Variants in LRFN5 observed in about 807,000 individuals in gnomAD.
The protein encoded by LRFN5 is leucine-rich repeat and fibronectin type-III domain-containing protein 5.
In LRFN5, 24 loss-of-function variants were observed where a neutral mutation model predicts 45.6. That is an observed-to-expected ratio of 0.53 (90% confidence interval 0.38 to 0.74). The LOEUF (loss-of-function observed/expected upper bound fraction) is 0.74, where lower values mean the gene tolerates loss of function less well. LRFN5 is among the 30% of genes least tolerant of loss of function. The probability of loss-of-function intolerance (pLI) is 0.00; values close to 1 mark genes in which losing one functional copy is unlikely to be tolerated. For missense variants in LRFN5, 776 were observed against 861.5 expected (o/e 0.90, Z 1.24); for synonymous variants, 340 against 313.8 (o/e 1.08, Z -0.88).
intron 2 of LRFN5, among the ~76,000 whole-genome samples, chr14:41,865,461 C>T (rs958485139): frequency 2.6e-4 from 40 of 152,208 alleles, no homozygotes; most frequent in African/African-American, 9.1e-4. Flanking sequence ...TTTATTAATC[C>T]ATTCATCAGC....
intron 1 of LRFN5, among the ~76,000 whole-genome samples, chr14:41,634,505 C>G (rs1888663671): frequency 6.6e-6 from 1 of 152,048 alleles, no homozygotes; most frequent in Non-Finnish European, 1.5e-5. Flanking sequence ...TTCTGTACTT[C>G]AACAGTAGAA....
At chr14:41,673,229 G>C (rs994257030) in intron 1 of LRFN5, among the ~76,000 whole-genome samples, 16 of 152,066 alleles carry the variant, frequency 1.1e-4, no homozygotes, top group African/African-American at 3.6e-4. Flanking sequence ...TGAGCTGTTG[G>C]GTACACCTCC....
At chr14:41,876,506 C>T (rs2139129036) in intron 2 of LRFN5, among the ~76,000 whole-genome samples, 1 of 151,166 alleles carries the variant, frequency 6.6e-6, no homozygotes, top group Admixed American at 6.6e-5. Context: ...CCGTGTTAGC[C>T]AGGATGGTCT....
At chr14:41,896,369 TG>T (rs1484487574) in intron 4 of LRFN5, among the ~76,000 whole-genome samples, 2 of 152,350 alleles carry the variant, frequency 1.3e-5, no homozygotes, top group South Asian at 4.1e-4. Flanking sequence ...GATCTTTCCT[TG>T]TTCAGCCTTC....
chr14:41,741,703 A>G (rs185139594), intron 1 of LRFN5, among the ~76,000 whole-genome samples: 50 of 151,870 alleles, frequency 3.3e-4, no homozygotes, highest in African/African-American at 1.1e-3. Context: ...AGGATATTGC[A>G]TCTAACTAAA....
intron 2 of LRFN5, among the ~76,000 whole-genome samples, chr14:41,875,843 TC>T (rs1192742469): frequency 1.3e-5 from 2 of 152,252 alleles, no homozygotes; most frequent in East Asian, 3.9e-4. Context: ...TTCCTTCTGT[TC>T]CCCAAAAGAG....
chr14:41,762,107 A>G (rs1001913918), intron 1 of LRFN5, among the ~76,000 whole-genome samples: 2 of 148,874 alleles, frequency 1.3e-5, no homozygotes, highest in Non-Finnish European at 3.0e-5. Context: ...AGCAAGCACA[A>G]CCTCTACCCA....
At chr14:41,753,529 T>C (rs1002867232) in intron 1 of LRFN5, among the ~76,000 whole-genome samples, 1 of 152,062 alleles carries the variant, frequency 6.6e-6, no homozygotes, top group Admixed American at 6.6e-5. Flanking sequence ...TTTGAAGCAA[T>C]TGTGAATGGG....
chr14:41,878,035 C>T (rs972163204), intron 2 of LRFN5, among the ~76,000 whole-genome samples: 2 of 151,422 alleles, frequency 1.3e-5, no homozygotes, highest in African/African-American at 2.4e-5. Flanking sequence ...TTTAGAGGCT[C>T]AATAATAATA....
chr14:41,819,460 G>A (rs915921168), intron 2 of LRFN5, among the ~76,000 whole-genome samples: 1 of 151,972 alleles, frequency 6.6e-6, no homozygotes, highest in East Asian at 1.9e-4. Flanking sequence ...GCATTTCTCC[G>A]ATGACTAGTG....
At chr14:41,765,929 A>AT (rs1413476084) in intron 1 of LRFN5, among the ~76,000 whole-genome samples, 3 of 152,250 alleles carry the variant, frequency 2.0e-5, no homozygotes, top group South Asian at 4.1e-4. Flanking sequence ...ACTTCTTTAA[A>AT]TTTTGACTCT....
intron 2 of LRFN5, among the ~76,000 whole-genome samples, chr14:41,802,999 T>C (rs1887391551): frequency 6.6e-6 from 1 of 152,180 alleles, no homozygotes; most frequent in African/African-American, 2.4e-5. Context: ...TCTTGTGTCC[T>C]ATATAATAAT....
chr14:41,730,802 TG>T (rs1228313054), intron 1 of LRFN5, among the ~76,000 whole-genome samples: 3 of 152,026 alleles, frequency 2.0e-5, no homozygotes, highest in Admixed American at 1.3e-4. Flanking sequence ...CAAAATGGTA[TG>T]GTTTTGTTAA....
chr14:41,850,378 A>T (rs17112319), intron 2 of LRFN5, among the ~76,000 whole-genome samples: 1 of 151,536 alleles, frequency 6.6e-6, no homozygotes, highest in Non-Finnish European at 1.5e-5. Flanking sequence ...TGCTTCAAAA[A>T]TGAATGAATT....
At chr14:41,787,165 G>A (rs1047813284) in intron 2 of LRFN5, among the ~76,000 whole-genome samples, 3 of 151,904 alleles carry the variant, frequency 2.0e-5, no homozygotes, top group Admixed American at 2.0e-4. Flanking sequence ...TCTTGCTTCT[G>A]TTCCTTCCTA....
chr14:41,883,933 T>C (rs1483951082), intron 2 of LRFN5, among the ~76,000 whole-genome samples: 1 of 152,226 alleles, frequency 6.6e-6, no homozygotes, highest in East Asian at 1.9e-4. Context: ...CTTAACACCA[T>C]TCCACAGGTC....
intron 2 of LRFN5, among the ~76,000 whole-genome samples, chr14:41,877,034 A>G (rs1890210396): frequency 6.6e-6 from 1 of 152,206 alleles, no homozygotes; most frequent in Non-Finnish European, 1.5e-5. Flanking sequence ...CTACATAATC[A>G]GAAAAACACA....
chr14:41,677,634 C>T (rs913269355), intron 1 of LRFN5, among the ~76,000 whole-genome samples: 2 of 151,928 alleles, frequency 1.3e-5, no homozygotes, highest in Non-Finnish European at 2.9e-5. Context: ...GAGGGCTTAA[C>T]AGTAGATTAG....
intron 2 of LRFN5, among the ~76,000 whole-genome samples, chr14:41,853,293 TG>T (rs983414933): frequency 6.6e-6 from 1 of 152,074 alleles, no homozygotes; most frequent in African/African-American, 2.4e-5. Flanking sequence ...AGCTCTGTTC[TG>T]GATACAATAA....
Sources: gnomAD v4.1 joint callset for allele counts (sites outside exome capture counted in the v4.1 genomes callset) on GRCh38, gnomAD v4.1.1 for gene constraint, MANE v1.5 for transcripts, NCBI Gene and HGNC (gene_info 2026-07-23, HGNC 2026-07-21) for gene names.